MYO5A: variants seen among roughly 807,000 people sequenced by gnomAD.
The protein encoded by MYO5A is unconventional myosin-Va.
In MYO5A, 98 loss-of-function variants were observed where a neutral mutation model predicts 249.7. The ratio of observed to expected loss-of-function variants is 0.39; its 90% CI spans 0.33 to 0.46. The LOEUF is 0.46. Among genes scored for constraint, MYO5A ranks in the 20% least tolerant of loss-of-function variants. The pLI, the probability that MYO5A is intolerant of heterozygous loss-of-function variation, is 0.98. For synonymous variants in MYO5A, 778 were observed against 810.6 expected (o/e 0.96, Z 0.68); for missense variants, 1,696 against 2,308.8 (o/e 0.73, Z 5.44).
chr15:52,440,578 C>G (rs1328609812), intron 1 of MYO5A, among the ~76,000 whole-genome samples: 1 of 152,182 alleles, frequency 6.6e-6, no homozygotes, highest in East Asian at 1.9e-4. Flanking sequence ...CACCAGTCAT[C>G]TTTCTTTTGG....
intron 20 of MYO5A, among the ~76,000 whole-genome samples, chr15:52,373,980 A>C (rs1405849493): frequency 6.7e-6 from 1 of 149,778 alleles, no homozygotes; most frequent in African/African-American, 2.5e-5. Context: ...TAAATAAATA[A>C]ATAAATAGGG....
At chr15:52,352,701 T>G (rs1368784017) in intron 27 of MYO5A, among the ~76,000 whole-genome samples, 1 of 152,012 alleles carries the variant, frequency 6.6e-6, no homozygotes, top group African/African-American at 2.4e-5. Context: ...GAGAATGGCA[T>G]GAACCTGGGA....
At position 52,421,372 on chromosome 15, in the gene MYO5A, G is replaced by C. The variant is rs150530920; in HGVS notation, c.455+4458C>G. Among the ~76,000 whole-genome samples the C allele has an allele frequency of 4.4e-4, 67 of 152,218 alleles. 1 individual carries two copies. The East Asian group carries it at 7.0e-3, about 16-fold the overall frequency. Reference sequence around the variant, plus strand: ...TCAAGTCAATGAAAAGAGAAATGTAGACATAAGGCCACATAATGATGATGA... The same window carrying C: ...TCAAGTCAATGAAAAGAGAAATGTACACATAAGGCCACATAATGATGATGA... On this transcript the variant is annotated intron_variant, in intron 4 of 41. Coordinates refer to ENST00000399233, the MANE Select transcript of MYO5A (RefSeq NM_001382347.1).
chr15:52,395,101 A>G (rs1184209464), intron 11 of MYO5A, among the ~76,000 whole-genome samples: 1 of 151,996 alleles, frequency 6.6e-6, no homozygotes, highest in Non-Finnish European at 1.5e-5. Context: ...TCTCTCCCCA[A>G]CCCCAATCTC....
chr15:52,322,834 CTT>C (rs552695001), intron 37 of MYO5A, among the ~76,000 whole-genome samples: 3 of 138,640 alleles, frequency 2.2e-5, no homozygotes, highest in Non-Finnish European at 1.6e-5. Flanking sequence ...TTAAAATTTT[CTT>C]TTTTTTTTTT....
chr15:52,378,569 A>G, intron 18 of MYO5A, among the ~76,000 whole-genome samples: 1 of 146,260 alleles, frequency 6.8e-6, no homozygotes. Context: ...CCCCAGTTAA[A>G]AAAAAAAAAA....
At chr15:52,445,569 C>G (rs1244409823) in intron 1 of MYO5A, among the ~76,000 whole-genome samples, 1 of 152,126 alleles carries the variant, frequency 6.6e-6, no homozygotes, top group Non-Finnish European at 1.5e-5. Context: ...AGGTTGGAAG[C>G]ATATGGAAGG....
At chr15:52,435,189 C>A (rs758394834) in intron 1 of MYO5A, among the ~76,000 whole-genome samples, 1 of 151,378 alleles carries the variant, frequency 6.6e-6, no homozygotes, top group Non-Finnish European at 1.5e-5. Context: ...ACAGGTAGAT[C>A]TGAGATTCAA....
intron 2 of MYO5A, among the ~76,000 whole-genome samples, chr15:52,429,541 T>C (rs2075475717): frequency 6.6e-6 from 1 of 151,872 alleles, no homozygotes; most frequent in Admixed American, 6.6e-5. Flanking sequence ...ACTCAAAAAT[T>C]ATCCAGGCGT....
At chr15:52,505,744 C>T (rs1209480832) in intron 1 of MYO5A, 5 of 1,487,584 alleles carry the variant, frequency 3.4e-6, no homozygotes, top group Non-Finnish European at 4.6e-6. Context: ...AATTAAGAAA[C>T]TTCAAATACA....
At chr15:52,418,169 T>C (rs567419515) in intron 4 of MYO5A, among the ~76,000 whole-genome samples, 2 of 152,202 alleles carry the variant, frequency 1.3e-5, no homozygotes, top group Admixed American at 6.5e-5. Flanking sequence ...AGCTGGAAAA[T>C]GGAGTAATGA....
In MYO5A at chr15:52,425,959, G is replaced by C. The variant is rs1487252374; in HGVS notation, c.326C>G (p.Ala109Gly). ...AGGCAGCTGTTCATAGGGATTTATA[G>C]CTACTAGGACTATACCTGGGAATAG... The part of the protein sequence containing the change: ...IYTYCGIVLV[A>G]INPYEQLPIY... The change falls in exon 4 of 42, where the codon GCT (alanine) becomes GGT (glycine). Residue 109 changes from alanine (A) to glycine (G), a missense_variant. Ala to Gly is a moderately conservative substitution (Grantham distance 60). This residue lies in a region of MYO5A where 197 missense variants were observed against 320.3 expected (regional missense o/e 0.62). Coordinates refer to ENST00000399233, the MANE Select transcript of MYO5A (RefSeq NM_001382347.1). 2 of 1,612,866 alleles carry C rather than the reference G, an allele frequency of 1.2e-6. No homozygotes were observed. Among genetic ancestry groups the C allele is most frequent in the South Asian group, 2.2e-5 (2 of 91,056 alleles).
At chr15:52,410,995 C>T (rs2043224106) in intron 5 of MYO5A, among the ~76,000 whole-genome samples, 2 of 152,284 alleles carry the variant, frequency 1.3e-5, no homozygotes, top group South Asian at 4.1e-4. Context: ...GTTATTCTCA[C>T]AAAAATGATT....
At chr15:52,454,625 A>G (rs967161246) in intron 1 of MYO5A, among the ~76,000 whole-genome samples, 1 of 152,138 alleles carries the variant, frequency 6.6e-6, no homozygotes, top group African/African-American at 2.4e-5. Context: ...ATCTCAACAC[A>G]TTCAAAAAAG....
At position 52,511,614 on chromosome 15, in the gene MYO5A, A is replaced by G. The variant is rs1490446241; in HGVS notation, c.27+17166T>C. On this transcript the variant is annotated intron_variant, in intron 1 of 41. Transcript: ENST00000399233. ...ATGAGAATGTGTAGGTTATAATACA[A>G]CTCATCCTTATATGGCTTCCAAAAT... 3.9e-5 allele frequency among the ~76,000 whole-genome samples: 6 copies of G among 152,206 alleles called. No individual in the cohort carries two copies. In the East Asian group the frequency reaches 1.2e-3, roughly 29 times the overall value.
chr15:52,519,903 G>C (rs1480703565), intron 1 of MYO5A, among the ~76,000 whole-genome samples: 2 of 151,972 alleles, frequency 1.3e-5, no homozygotes, highest in Non-Finnish European at 2.9e-5. Context: ...GCTAATTTTT[G>C]TATTTTTAGT....
chr15:52,523,268 C>G (rs867806550), intron 1 of MYO5A, among the ~76,000 whole-genome samples: 1 of 152,132 alleles, frequency 6.6e-6, no homozygotes, highest in Non-Finnish European at 1.5e-5. Flanking sequence ...ATTTTGTTTC[C>G]TGAAAGTTTC....
At chr15:52,405,132 C>G (rs1471307733) in intron 9 of MYO5A, among the ~76,000 whole-genome samples, 155 bp downstream of exon 9, 7 of 151,752 alleles carry the variant, frequency 4.6e-5, no homozygotes, top group African/African-American at 1.7e-4. Context: ...TCTTTATTCT[C>G]AGTTTGAGAT....
chr15:52,414,503 C>T (rs2043389362), intron 5 of MYO5A, among the ~76,000 whole-genome samples: 1 of 151,904 alleles, frequency 6.6e-6, no homozygotes, highest in Non-Finnish European at 1.5e-5. Flanking sequence ...TAAAATAGTA[C>T]ACTCAACTCA....
Sources: allele counts gnomAD v4.1 joint callset (sites outside exome capture counted in the v4.1 genomes callset), GRCh38; gene constraint gnomAD v4.1.1; regional missense constraint gnomAD v4.1.1; transcripts MANE v1.5; gene names NCBI Gene and HGNC (gene_info 2026-07-23, HGNC 2026-07-21).